The following GRB14 variants were observed in gnomAD, a reference collection of about 807,000 sequenced individuals.
The protein encoded by GRB14 is growth factor receptor-bound protein 14.
A neutral mutation model predicts 69.1 loss-of-function variants in GRB14; 38 were observed. The observed-to-expected ratio is 0.55, with a 90% CI of 0.42 to 0.72. The LOEUF (loss-of-function observed/expected upper bound fraction) is 0.72, where lower values mean the gene tolerates loss of function less well. Ranked by LOEUF, GRB14 falls within the 30% of genes least tolerant of loss-of-function variation. The pLI is 0.00. For synonymous variants in GRB14, 247 were observed against 241.3 expected (o/e 1.02, Z -0.22); for missense variants, 666 against 666.1 (o/e 1.00, Z 0.00).
chr2:164,597,116 A>ATCAGTGAAAGTGAAT (rs1376679259), intron 2 of GRB14, among the ~76,000 whole-genome samples: 6 of 152,330 alleles, frequency 3.9e-5, no homozygotes, highest in African/African-American at 1.4e-4. Flanking sequence ...CATCATGAAT[A>ATCAGTGAAAGTGAAT]TCAGTGAAAG....
chr2:164,503,169 T>TA (rs3086552), intron 8 of GRB14, among the ~76,000 whole-genome samples: 10,170 of 126,498 alleles, frequency 0.08, 1,019 homozygotes, highest in African/African-American at 0.25. Flanking sequence ...GCTACTTTGT[T>TA]AAAAAAAAAA....
At chr2:164,522,457 C>A (rs1309316415) in intron 5 of GRB14, among the ~76,000 whole-genome samples, 1 of 152,054 alleles carries the variant, frequency 6.6e-6, no homozygotes, top group Non-Finnish European at 1.5e-5. Flanking sequence ...ATCTAACTAC[C>A]AAAATTATCA....
chr2:164,588,392 C>T (rs567021763), intron 2 of GRB14, among the ~76,000 whole-genome samples: 1 of 152,136 alleles, frequency 6.6e-6, no homozygotes, highest in African/African-American at 2.4e-5. Context: ...CAAAGAATTT[C>T]TCTACTTAAA....
intron 2 of GRB14, among the ~76,000 whole-genome samples, chr2:164,605,109 C>G (rs893454960): frequency 1.3e-5 from 2 of 152,060 alleles, no homozygotes; most frequent in African/African-American, 2.4e-5. Context: ...AAATAGAGTA[C>G]CAGTGAGGAG....
At chr2:164,588,124 A>G (rs559119248) in intron 2 of GRB14, among the ~76,000 whole-genome samples, 1 of 152,220 alleles carries the variant, frequency 6.6e-6, no homozygotes, top group African/African-American at 2.4e-5. Flanking sequence ...CCAATCTTCT[A>G]AAACTCTCTA....
At chr2:164,535,700 AAAG>A (rs1688062379) in intron 3 of GRB14, among the ~76,000 whole-genome samples, 1 of 152,240 alleles carries the variant, frequency 6.6e-6, no homozygotes, top group Admixed American at 6.5e-5. Context: ...CTGGAGAAGC[AAAG>A]AATAAAACAC....
At chr2:164,561,383 A>G (rs905148348) in intron 2 of GRB14, among the ~76,000 whole-genome samples, 2 of 152,226 alleles carry the variant, frequency 1.3e-5, no homozygotes, top group Non-Finnish European at 2.9e-5. Flanking sequence ...ATTTCTGAAT[A>G]AGTCCCAAGA....
intron 8 of GRB14, among the ~76,000 whole-genome samples, chr2:164,504,701 G>A (rs767481699): frequency 2.0e-5 from 3 of 152,190 alleles, no homozygotes; most frequent in Non-Finnish European, 2.9e-5. Flanking sequence ...AAACATGGAT[G>A]TGGTAGGTAG....
chr2:164,524,295 T>C (rs1687712694), intron 5 of GRB14, among the ~76,000 whole-genome samples: 1 of 152,046 alleles, frequency 6.6e-6, no homozygotes, highest in African/African-American at 2.4e-5. Context: ...AAAAAACAAC[T>C]GTAGAGCTTC....
rs1686784853 is a variant in GRB14 at position 164,492,585 on chromosome 2, T to C, written c.*451A>G. ...AGTTTTTAGTTTCATTAACAGGTTG[T>C]GGATAGTTTCTTTTAATTGATAAGT... On this transcript the variant is annotated 3_prime_UTR_variant, in exon 14 of 14. Coordinates refer to ENST00000263915, the MANE Select transcript of GRB14 (RefSeq NM_004490.3). 6.7e-6 allele frequency among the ~76,000 whole-genome samples: 1 copy of C among 149,822 alleles called. No homozygotes were observed. The highest frequency in any genetic ancestry group is 1.5e-5 in the Non-Finnish European group (1 of 67,278).
chr2:164,561,336 C>A (rs1438744897), intron 2 of GRB14, among the ~76,000 whole-genome samples: 1 of 152,078 alleles, frequency 6.6e-6, no homozygotes, highest in Non-Finnish European at 1.5e-5. Flanking sequence ...CTAATGTTAG[C>A]AATTATTATT....
intron 3 of GRB14, among the ~76,000 whole-genome samples, chr2:164,537,208 C>G (rs1688102750): frequency 1.3e-5 from 2 of 152,196 alleles, no homozygotes; most frequent in African/African-American, 2.4e-5. Flanking sequence ...ACTACGTTAC[C>G]TATCAGTCAG....
chr2:164,571,681 A>G (rs571287442), intron 2 of GRB14, among the ~76,000 whole-genome samples: 1 of 152,288 alleles, frequency 6.6e-6, no homozygotes, highest in Admixed American at 6.5e-5. Flanking sequence ...TCACAACTCT[A>G]TAAGGTACTA....
At position 164,621,345 on chromosome 2, in the gene GRB14, C is replaced by T; in HGVS notation, c.-36G>A. On this transcript the variant is annotated 5_prime_UTR_variant, in exon 1 of 14. Coordinates refer to ENST00000263915, the MANE Select transcript of GRB14 (RefSeq NM_004490.3). The surrounding 1 kb of genome is among the most constrained non-coding windows in gnomAD (Gnocchi z 6.0). ...CGGGGGGCTCGGGCGTCATGGGAGA[C>T]TCGGCGCGTGGGGAGAAGGGGTTTG... 1 of 1,270,958 alleles carries T rather than the reference C, an allele frequency of 7.9e-7. No homozygotes were observed. Among genetic ancestry groups the T allele is most frequent in the Non-Finnish European group, 9.9e-7 (1 of 1,007,962 alleles). The allele number at this position is 1,270,958 out of a possible 1,614,324, so 78.7% of individuals were successfully genotyped here.
intron 13 of GRB14, 99 bp from the exon 14 acceptor site, chr2:164,493,281 G>T: frequency 9.2e-7 from 1 of 1,089,374 alleles, no homozygotes; most frequent in Non-Finnish European, 1.3e-6. Context: ...AAACTGCCAA[G>T]TTTATAAAAC....
intron 2 of GRB14, among the ~76,000 whole-genome samples, chr2:164,607,923 T>C (rs1574353182): frequency 6.6e-6 from 1 of 152,316 alleles, no homozygotes. Context: ...GTGTCTTATA[T>C]ATATGTTCAT....
At position 164,523,416 on chromosome 2, in the gene GRB14, TA is replaced by T. The variant is rs544662416; in HGVS notation, c.679-1300del. On this transcript the variant is annotated intron_variant, in intron 5 of 13. Transcript: ENST00000263915. ...AGTGGAAATGCATTAGTGTCTCATT[TA>T]AAAAAAAAAAGAAAATAGAAATCCC... 8.2e-3 allele frequency among the ~76,000 whole-genome samples: 1,193 copies of T among 145,232 alleles called. 5 individuals are homozygous for T. The highest frequency in any genetic ancestry group is 0.011 in the Admixed American group (162 of 14,462).
At chr2:164,555,461 C>T (rs1404765172) in intron 2 of GRB14, among the ~76,000 whole-genome samples, 1 of 150,952 alleles carries the variant, frequency 6.6e-6, no homozygotes, top group East Asian at 1.9e-4. Context: ...TAAGATGAAG[C>T]AAGAGAAAGA....
At chr2:164,592,350 G>C (rs1034759372) in intron 2 of GRB14, among the ~76,000 whole-genome samples, 2 of 152,082 alleles carry the variant, frequency 1.3e-5, no homozygotes, top group Admixed American at 1.3e-4. Flanking sequence ...TAGCCAAGAT[G>C]GTCTCGATCT....
Sources: gnomAD v4.1 joint callset for allele counts (sites outside exome capture counted in the v4.1 genomes callset) on GRCh38, gnomAD v4.1.1 for gene constraint, Gnocchi (gnomAD v3.1) non-coding constraint, MANE v1.5 for transcripts, NCBI Gene and HGNC (gene_info 2026-07-23, HGNC 2026-07-21) for gene names.